SLC41A3: variants seen among roughly 807,000 people sequenced by gnomAD.
SLC41A3 encodes the protein solute carrier family 41 member 3.
In SLC41A3, 44 loss-of-function variants were observed where a neutral mutation model predicts 45.4. The ratio of observed to expected loss-of-function variants is 0.97; its 90% confidence interval spans 0.76 to 1.25. SLC41A3 has a LOEUF of 1.25. SLC41A3 is among the 50% of genes most tolerant of loss of function. SLC41A3 has a pLI of 0.00. For missense variants in SLC41A3, 550 were observed against 600.6 expected (o/e 0.92, Z 0.88); for synonymous variants, 256 against 252.4 (o/e 1.01, Z -0.13).
At chr3:126,029,063 G>A (rs1941594925) in intron 4 of SLC41A3, among the ~76,000 whole-genome samples, 1 of 152,224 alleles carries the variant, frequency 6.6e-6, no homozygotes, top group Admixed American at 6.5e-5. Context: ...TGTCTCAGAT[G>A]AGACTTTGGA....
At chr3:126,028,896 A>C (rs1559830884) in intron 4 of SLC41A3, among the ~76,000 whole-genome samples, 1 of 152,222 alleles carries the variant, frequency 6.6e-6, no homozygotes, top group Non-Finnish European at 1.5e-5. Context: ...TGCCCCACTA[A>C]GTTTCAATTC....
At chr3:126,100,149 C>T (rs1215905669) in intron 1 of SLC41A3, among the ~76,000 whole-genome samples, 13 of 152,128 alleles carry the variant, frequency 8.5e-5, no homozygotes, top group Admixed American at 7.9e-4. Flanking sequence ...TACATACTCC[C>T]GTATTCTCCC....
chr3:126,052,971 C>A (rs1943437399), intron 2 of SLC41A3, among the ~76,000 whole-genome samples: 1 of 152,200 alleles, frequency 6.6e-6, no homozygotes, highest in Admixed American at 6.5e-5. Flanking sequence ...GCGGGGGAAG[C>A]TGAATCCTGA....
At chr3:126,056,529 C>T (rs1292612455) in intron 2 of SLC41A3, 1 of 1,614,030 alleles carries the variant, frequency 6.2e-7, no homozygotes, top group Admixed American at 1.7e-5. Flanking sequence ...AGCAAAACTC[C>T]AGATTCAGCT....
At chr3:126,095,582 A>G (rs529291401) in intron 1 of SLC41A3, among the ~76,000 whole-genome samples, 355 of 152,374 alleles carry the variant, frequency 2.3e-3, no homozygotes, top group Non-Finnish European at 4.0e-3. Flanking sequence ...TAATCACTCT[A>G]TGACACAGTT....
chr3:126,095,002 T>A (rs1262729058), intron 1 of SLC41A3, among the ~76,000 whole-genome samples: 3 of 152,258 alleles, frequency 2.0e-5, no homozygotes, highest in Non-Finnish European at 4.4e-5. Flanking sequence ...GAATCTAGCA[T>A]TATTAACTTT....
At chr3:126,100,612 A>G (rs1945689905) in intron 1 of SLC41A3, among the ~76,000 whole-genome samples, 1 of 152,224 alleles carries the variant, frequency 6.6e-6, no homozygotes, top group Admixed American at 6.5e-5. Context: ...CAGTCATTAT[A>G]TTATAAAACA....
intron 2 of SLC41A3, among the ~76,000 whole-genome samples, chr3:126,060,287 C>T (rs1434628742): frequency 3.9e-5 from 6 of 152,106 alleles, no homozygotes; most frequent in East Asian, 1.9e-4. Flanking sequence ...GGCGTGGTGG[C>T]GCATGCCTGT....
rs771078943 is a variant in SLC41A3 at position 126,026,312 on chromosome 3, C to T, written c.598+23G>A. Reference sequence around the variant, plus strand: ...CAGAGGAGCAGGGAGCGGGTGGGGGCTCACAGCTGGGGCATGGCTCACCCA... The same window carrying T: ...CAGAGGAGCAGGGAGCGGGTGGGGGTTCACAGCTGGGGCATGGCTCACCCA... On this transcript the variant is annotated intron_variant, in intron 5 of 10. Transcript: ENST00000360370. The surrounding 1 kb of genome is among the most constrained non-coding windows in gnomAD (Gnocchi z 4.2). 2 of 1,553,892 alleles carry T rather than the reference C, an allele frequency of 1.3e-6. No homozygotes were observed. Among genetic ancestry groups the T allele is most frequent in the Non-Finnish European group, 1.7e-6 (2 of 1,147,960 alleles).
intron 1 of SLC41A3, among the ~76,000 whole-genome samples, chr3:126,074,471 T>A (rs927661661): frequency 1.3e-5 from 2 of 152,024 alleles, no homozygotes; most frequent in African/African-American, 4.8e-5. Context: ...ATGAGACGTA[T>A]CCAGCTTGAA....
chr3:126,039,048 G>A (rs946043297), intron 3 of SLC41A3, among the ~76,000 whole-genome samples: 3 of 152,134 alleles, frequency 2.0e-5, no homozygotes, highest in African/African-American at 7.2e-5. Context: ...CTCCCCTTCA[G>A]CTTCCACAAT....
At chr3:126,086,429 T>G (rs1317126922), upstream of SLC41A3, among the ~76,000 whole-genome samples, 2 of 146,962 alleles carry the variant, frequency 1.4e-5, no homozygotes, top group Non-Finnish European at 3.0e-5. Context: ...TTTTTTTTTT[T>G]TTTTTTTTGC....
At chr3:126,052,278 A>C (rs1402204014) in intron 2 of SLC41A3, among the ~76,000 whole-genome samples, 2 of 151,936 alleles carry the variant, frequency 1.3e-5, no homozygotes, top group Admixed American at 6.6e-5. Context: ...CACACCCTCC[A>C]CATAGGGTGG....
intron 3 of SLC41A3, among the ~76,000 whole-genome samples, chr3:126,050,673 G>A (rs976046743): frequency 6.6e-6 from 1 of 151,836 alleles, no homozygotes; most frequent in African/African-American, 2.4e-5. Flanking sequence ...GTGCAGACTC[G>A]GGGCACAAGG....
intron 1 of SLC41A3, among the ~76,000 whole-genome samples, chr3:126,094,355 A>G (rs2108135951): frequency 6.6e-6 from 1 of 152,364 alleles, no homozygotes; most frequent in African/African-American, 2.4e-5. Context: ...ATTTGGATAG[A>G]ACAATGGCCA....
chr3:126,039,853 T>C (rs574430926), intron 3 of SLC41A3, among the ~76,000 whole-genome samples: 1 of 152,358 alleles, frequency 6.6e-6, no homozygotes, highest in African/African-American at 2.4e-5. Context: ...CATACACAGG[T>C]TGGCATATAT....
chr3:126,062,470 G>A (rs1422777777), intron 2 of SLC41A3, among the ~76,000 whole-genome samples: 1 of 152,150 alleles, frequency 6.6e-6, no homozygotes, highest in Non-Finnish European at 1.5e-5. Flanking sequence ...GGTCTCCCCT[G>A]CATCTGCCTT....
At chr3:126,065,544 C>T (rs1225860623) in intron 2 of SLC41A3, among the ~76,000 whole-genome samples, 3 of 152,184 alleles carry the variant, frequency 2.0e-5, no homozygotes, top group Non-Finnish European at 4.4e-5. Flanking sequence ...AGAAAGCAGA[C>T]TTGTAGCAGA....
intron 7 of SLC41A3, among the ~76,000 whole-genome samples, chr3:126,015,816 T>G (rs1041614382): frequency 3.3e-5 from 5 of 152,186 alleles, no homozygotes; most frequent in African/African-American, 1.2e-4. Context: ...GAACACCCAC[T>G]TATTGCAAAA....
Sources: gnomAD v4.1 joint callset for allele counts (sites outside exome capture counted in the v4.1 genomes callset) on GRCh38, gnomAD v4.1.1 for gene constraint, Gnocchi (gnomAD v3.1) non-coding constraint, MANE v1.5 for transcripts, NCBI Gene and HGNC (gene_info 2026-07-23, HGNC 2026-07-21) for gene names.